DDX19A: variants seen among roughly 807,000 people sequenced by gnomAD.
DDX19A encodes DEAD-box helicase 19A.
In DDX19A, 12 loss-of-function variants were observed where a neutral mutation model predicts 60.6. The observed-to-expected ratio is 0.20, with a 90% CI of 0.13 to 0.32. DDX19A has a LOEUF of 0.32. DDX19A is among the 10% of genes least tolerant of loss of function. The pLI is 1.00. For synonymous variants in DDX19A, 206 were observed against 218.2 expected, an observed-to-expected ratio of 0.94 and a Z score of 0.49; for missense variants, 337 against 600.6, an observed-to-expected ratio of 0.56 and a Z score of 4.59.
chr16:70,371,787 C>G (rs923982855), intron 11 of DDX19A, 138 bp from the exon 12 acceptor site: 3 of 1,375,648 alleles, frequency 2.2e-6, no homozygotes, highest in African/African-American at 2.9e-5. Context: ...GGGGCTCTGA[C>G]TGTTGCTGTC....
At position 70,366,096 on chromosome 16, in the gene DDX19A, CAGA is replaced by C. The variant is rs1964510960; in HGVS notation, c.620_622del (p.Lys207del). 6.2e-7 allele frequency: 1 copy of C among 1,614,024 alleles called. No individual in the cohort carries two copies. The highest frequency in any genetic ancestry group is 8.5e-7 in the Non-Finnish European group (1 of 1,180,038). The stretch of plus-strand genomic sequence containing the variant: ...CTGGGTCTCCACAGTGGAAAGAGGC[CAGA>C]AGATCAGTGAGCAGATTGTCATTGG... On this transcript the variant is annotated inframe_deletion, in exon 8 of 12. Transcript: ENST00000302243.
intron 4 of DDX19A, among the ~76,000 whole-genome samples, chr16:70,357,431 C>G (rs1395993113): frequency 9.6e-6 from 1 of 104,320 alleles, no homozygotes; most frequent in African/African-American, 3.9e-5. Flanking sequence ...GTTGCACAGG[C>G]TAGAGTGCAG....
intron 2 of DDX19A, among the ~76,000 whole-genome samples, chr16:70,353,941 C>T (rs965515390): frequency 6.6e-6 from 1 of 151,732 alleles, no homozygotes; most frequent in African/African-American, 2.4e-5. Flanking sequence ...CTCTGTCACC[C>T]AGGCTGCAGT....
chr16:70,360,705 A>C (rs1204359891), intron 4 of DDX19A: 1 of 152,232 alleles, frequency 6.6e-6, no homozygotes, highest in Non-Finnish European at 1.5e-5. Flanking sequence ...TGGAAGGAAC[A>C]TGGAACAAAA....
At chr16:70,348,423 T>C (rs1011397111) in intron 1 of DDX19A, among the ~76,000 whole-genome samples, 14 of 151,892 alleles carry the variant, frequency 9.2e-5, no homozygotes, top group Admixed American at 5.9e-4. Flanking sequence ...GTCAAGAGTT[T>C]GATACCAGCC....
At chr16:70,366,026 G>A in intron 7 of DDX19A, 59 bp from the exon 8 acceptor site, 2 of 1,613,136 alleles carry the variant, frequency 1.2e-6, no homozygotes, top group Non-Finnish European at 1.7e-6. Flanking sequence ...GCAGGGCTTT[G>A]ATTTCCAGAG....
intron 5 of DDX19A, 41 bp from the exon 6 acceptor site, chr16:70,364,502 T>G: frequency 6.8e-7 from 1 of 1,462,110 alleles, no homozygotes; most frequent in South Asian, 1.1e-5. Flanking sequence ...GTTACTGAGT[T>G]TCACCAATTT....
intron 4 of DDX19A, 60 bp downstream of exon 4, chr16:70,356,307 G>A: frequency 6.3e-7 from 1 of 1,579,340 alleles, no homozygotes; most frequent in Non-Finnish European, 8.6e-7. Context: ...ATAAAACTTA[G>A]CATCTGAGAG....
chr16:70,361,719 T>C (rs1964368565), intron 5 of DDX19A: 1 of 493,102 alleles, frequency 2.0e-6, no homozygotes, highest in Non-Finnish European at 3.6e-6. Context: ...AGAAAGGTAG[T>C]GCTTTATTCC....
At chr16:70,371,903 G>C in intron 11 of DDX19A, 22 bp from the exon 12 acceptor site, 1 of 1,613,996 alleles carries the variant, frequency 6.2e-7, no homozygotes, top group Non-Finnish European at 8.5e-7. Flanking sequence ...GCAGGGTAGA[G>C]ACTTGTGTAT....
chr16:70,358,109 C>T (rs552013226), intron 4 of DDX19A, among the ~76,000 whole-genome samples: 2 of 152,294 alleles, frequency 1.3e-5, no homozygotes, highest in South Asian at 4.1e-4. Context: ...TGGCTCACTG[C>T]AACCTCTACC....
chr16:70,351,396 G>A (rs913810539), intron 2 of DDX19A, among the ~76,000 whole-genome samples: 1 of 150,636 alleles, frequency 6.6e-6, no homozygotes. Context: ...TAGTAGAGGC[G>A]GGGCTTTGTC....
At chr16:70,361,632 C>G (rs373526610) in intron 5 of DDX19A, 122 bp downstream of exon 5, 3 of 687,620 alleles carry the variant, frequency 4.4e-6, no homozygotes, top group South Asian at 3.5e-5. Flanking sequence ...AGGAATACAG[C>G]TTAGGCAAGT....
intron 5 of DDX19A, 148 bp downstream of exon 5, chr16:70,361,658 T>C: frequency 1.7e-6 from 1 of 601,184 alleles, no homozygotes; most frequent in Non-Finnish European, 2.9e-6. Context: ...GAGAATCGGA[T>C]GGAGTTAGCT....
intron 4 of DDX19A, chr16:70,356,870 C>T (rs989509960): frequency 8.6e-6 from 11 of 1,272,748 alleles, no homozygotes; most frequent in Non-Finnish European, 7.1e-6. Flanking sequence ...TATTGGCTGA[C>T]AGGTGATTTC....
At position 70,350,550 on chromosome 16, in the gene DDX19A, T is replaced by C; in HGVS notation, c.58-7T>C. 1 of 1,609,416 alleles carries C rather than the reference T, an allele frequency of 6.2e-7. No individual in the cohort carries two copies. Among genetic ancestry groups the C allele is most frequent in the Non-Finnish European group, 8.5e-7 (1 of 1,177,784 alleles). ...GCTTAACTCTGTTTTCTTTTATTTCTATTCAGATGACCAATTTGCAGATCA... is the reference window on the plus strand; with the variant it reads ...GCTTAACTCTGTTTTCTTTTATTTCCATTCAGATGACCAATTTGCAGATCA... On this transcript the variant is annotated splice_region_variant and splice_polypyrimidine_tract_variant and intron_variant, in intron 1 of 11. Coordinates refer to ENST00000302243, the MANE Select transcript of DDX19A (RefSeq NM_018332.5).
intron 9 of DDX19A, among the ~76,000 whole-genome samples, 190 bp from the exon 10 acceptor site, chr16:70,370,033 A>G (rs969535850): frequency 6.6e-6 from 1 of 152,162 alleles, no homozygotes; most frequent in Non-Finnish European, 1.5e-5. Flanking sequence ...ACAGTCTTCC[A>G]GATCAAAAAT....
At chr16:70,352,205 A>T (rs1297985377) in intron 2 of DDX19A, among the ~76,000 whole-genome samples, 1 of 152,048 alleles carries the variant, frequency 6.6e-6, no homozygotes. Flanking sequence ...GGCGTGATAT[A>T]TACAGTATAC....
chr16:70,356,950 C>CCA, intron 4 of DDX19A: 1 of 476,410 alleles, frequency 2.1e-6, no homozygotes, highest in African/African-American at 4.0e-5. Flanking sequence ...TTTTTTTTTA[C>CCA]AAAAAAAAAA....
Sources: gnomAD v4.1 joint callset for allele counts (sites outside exome capture counted in the v4.1 genomes callset) on GRCh38, gnomAD v4.1.1 for gene constraint, MANE v1.5 for transcripts, NCBI Gene and HGNC (gene_info 2026-07-23, HGNC 2026-07-21) for gene names.